The following DAB1 variants were observed in gnomAD, a reference collection of about 807,000 sequenced individuals.
DAB1 encodes the protein disabled homolog 1.
DAB1 carries 15 observed loss-of-function variants against 64.6 expected under a neutral mutation model. The observed-to-expected ratio is 0.23, with a 90% CI of 0.16 to 0.36. The LOEUF (loss-of-function observed/expected upper bound fraction) is 0.36, where lower values mean the gene tolerates loss of function less well. Ranked by LOEUF, DAB1 falls within the 10% of genes least tolerant of loss-of-function variation. The pLI, the probability that DAB1 is intolerant of heterozygous loss-of-function variation, is 1.00. For missense variants in DAB1, 596 were observed against 706.7 expected, an observed-to-expected ratio of 0.84 and a Z score of 1.78; for synonymous variants, 235 against 251.9, an observed-to-expected ratio of 0.93 and a Z score of 0.64.
At chr1:57,599,292 T>A (rs1402730288) in intron 7 of DAB1, among the ~76,000 whole-genome samples, 1 of 151,650 alleles carries the variant, frequency 6.6e-6, no homozygotes, top group Non-Finnish European at 1.5e-5. Flanking sequence ...ACTAAAAACA[T>A]ATTTCCTTAT....
chr1:57,739,792 T>G (rs1446238874), intron 6 of DAB1, among the ~76,000 whole-genome samples: 1 of 151,724 alleles, frequency 6.6e-6, no homozygotes, highest in Non-Finnish European at 1.5e-5. Context: ...AACACTTAAA[T>G]CTACTCCAGC....
chr1:57,957,162 A>C (rs1238641480), intron 5 of DAB1, among the ~76,000 whole-genome samples: 1 of 152,236 alleles, frequency 6.6e-6, no homozygotes, highest in Admixed American at 6.5e-5. Flanking sequence ...GTACAGGGAC[A>C]TGACTGGATG....
intron 5 of DAB1, among the ~76,000 whole-genome samples, chr1:57,903,631 T>C (rs11800155): frequency 0.014 from 2,198 of 152,278 alleles, 38 homozygotes; most frequent in African/African-American, 0.042. Flanking sequence ...TCAGAAACTA[T>C]ATCCCAATTG....
intron 1 of DAB1, among the ~76,000 whole-genome samples, chr1:57,342,456 G>A (rs1214482269): frequency 6.6e-6 from 1 of 152,066 alleles, no homozygotes; most frequent in Non-Finnish European, 1.5e-5. Context: ...GGCAAATAGT[G>A]GATGCTCAAT....
rs1355153782 is a variant in DAB1 at position 58,115,843 on chromosome 1, T to A, written n.387+34668A>T. On this transcript the variant is annotated intron_variant and non_coding_transcript_variant, in intron 5 of 20. Coordinates refer to the DAB1 transcript ENST00000485760. ...TCACACTCTGGGGACTGTGGTGGGG[T>A]CGGGGGAGGGGGGAGGGATAGCATT... Among the ~76,000 whole-genome samples, 12 of 104,678 alleles carry A rather than the reference T, an allele frequency of 1.1e-4. No individual in the cohort carries two copies. In the South Asian group the frequency reaches 4.3e-3, roughly 38 times the overall value. The allele number at this position is 104,678 out of a possible 152,430, so 68.7% of individuals were successfully genotyped here.
At chr1:58,339,263 A>T (rs1663195414) in intron 4 of DAB1, among the ~76,000 whole-genome samples, 1 of 152,186 alleles carries the variant, frequency 6.6e-6, no homozygotes, top group Admixed American at 6.5e-5. Flanking sequence ...GTTCTACAAG[A>T]TGAGATTTTC....
intron 4 of DAB1, among the ~76,000 whole-genome samples, chr1:58,248,085 C>G (rs1660632458): frequency 6.7e-6 from 1 of 148,818 alleles, no homozygotes; most frequent in Non-Finnish European, 1.5e-5. Context: ...AGTCCAAATT[C>G]AAGAAAAAAA....
In DAB1 at chr1:58,434,412, GA is replaced by G. The variant is rs35881373; in HGVS notation, n.257+71647del. 1.2e-3 allele frequency among the ~76,000 whole-genome samples: 167 copies of G among 140,302 alleles called. 2 individuals are homozygous for G. Among genetic ancestry groups the G allele is most frequent in the African/African-American group, 3.1e-3 (119 of 38,694 alleles). The allele number at this position is 140,302 out of a possible 152,430, so 92.0% of individuals were successfully genotyped here. ...GCGTGGATGTAGGACATGAGAAAAA[GA>G]AAAAAAAAAAAAGGATGATTTCATG... On this transcript the variant is annotated intron_variant and non_coding_transcript_variant, in intron 3 of 20. Transcript: ENST00000485760.
intron 6 of DAB1, among the ~76,000 whole-genome samples, chr1:57,654,257 G>T (rs1404454699): frequency 2.0e-5 from 3 of 152,142 alleles, no homozygotes; most frequent in Non-Finnish European, 4.4e-5. Context: ...CACCTAGTAT[G>T]TCAGATGGTC....
intron 9 of DAB1, chr1:57,033,308 G>T: frequency 6.8e-7 from 1 of 1,470,078 alleles, no homozygotes; most frequent in South Asian, 1.1e-5. Flanking sequence ...TGCCATTCAT[G>T]CAAGCTGGAT....
At chr1:57,360,077 A>C (rs1005770676) in intron 1 of DAB1, among the ~76,000 whole-genome samples, 11 of 152,090 alleles carry the variant, frequency 7.2e-5, no homozygotes, top group Admixed American at 2.6e-4. Flanking sequence ...TGAAAAATGC[A>C]GAGTTGATAT....
At chr1:57,286,708 G>A (rs1439950598) in intron 2 of DAB1, among the ~76,000 whole-genome samples, 1 of 152,116 alleles carries the variant, frequency 6.6e-6, no homozygotes, top group Non-Finnish European at 1.5e-5. Context: ...AACATTAACT[G>A]ATAAAAATCA....
Position 58,300,639 on chromosome 1 carries a change from AGAGAGAGAGGAAGG to A in DAB1, n.309+42699_309+42712del, listed in dbSNP as rs1444220210. ...GAGAGAGAGAGAGAGAGAGAGAGAG[AGAGAGAGAGGAAGG>A]AAGGAAGGAAGGAAGGAAGGAAGGA... On this transcript the variant is annotated intron_variant and non_coding_transcript_variant, in intron 4 of 20. Coordinates refer to the DAB1 transcript ENST00000485760. 4.2e-3 allele frequency among the ~76,000 whole-genome samples: 250 copies of A among 59,636 alleles called. 4 individuals carry two copies. Among genetic ancestry groups the A allele is most frequent in the East Asian group, 9.1e-3 (15 of 1,652 alleles). The allele number at this position is 59,636 out of a possible 152,430, so 39.1% of individuals were successfully genotyped here.
At chr1:57,362,697 G>C (rs1679653226) in intron 1 of DAB1, among the ~76,000 whole-genome samples, 1 of 152,078 alleles carries the variant, frequency 6.6e-6, no homozygotes, top group South Asian at 2.1e-4. Flanking sequence ...GCCTTCACCA[G>C]ACACCTAATC....
chr1:57,239,494 A>G (rs1173198369), intron 2 of DAB1, among the ~76,000 whole-genome samples: 1 of 152,130 alleles, frequency 6.6e-6, no homozygotes, highest in African/African-American at 2.4e-5. Context: ...TAAATAAACA[A>G]TATCTAGCTG....
intron 2 of DAB1, among the ~76,000 whole-genome samples, chr1:57,261,196 G>GC (rs754315752): frequency 2.5e-4 from 38 of 152,032 alleles, no homozygotes; most frequent in Non-Finnish European, 4.6e-4. Flanking sequence ...CCCAACCTCC[G>GC]CAAGAAACAC....
chr1:58,089,670 A>G (rs1185264175), intron 5 of DAB1, among the ~76,000 whole-genome samples: 2 of 152,212 alleles, frequency 1.3e-5, no homozygotes, highest in Non-Finnish European at 2.9e-5. Context: ...TTAATTTCCG[A>G]GGTGAATGAG....
chr1:57,893,066 G>A (rs1040385416), intron 5 of DAB1, among the ~76,000 whole-genome samples: 1 of 143,284 alleles, frequency 7.0e-6, no homozygotes, highest in African/African-American at 2.6e-5. Flanking sequence ...AAGTTCCCAG[G>A]TGCTGCTGTG....
intron 3 of DAB1, among the ~76,000 whole-genome samples, chr1:58,383,356 C>T (rs10789061): frequency 0.72 from 110,128 of 152,072 alleles, 41,167 homozygotes; most frequent in African/African-American, 0.93. Flanking sequence ...CCCCAAATCC[C>T]TTCCAGCACT....
Sources: gnomAD v4.1 joint callset for allele counts (sites outside exome capture counted in the v4.1 genomes callset) on GRCh38, gnomAD v4.1.1 for gene constraint, MANE v1.5 for transcripts, NCBI Gene and HGNC (gene_info 2026-07-23, HGNC 2026-07-21) for gene names.